The following SMARCD3 variants were observed in gnomAD, a reference collection of about 807,000 sequenced individuals.
The protein encoded by SMARCD3 is SWI/SNF-related matrix-associated actin-dependent regulator of chromatin subfamily D member 3.
A neutral mutation model predicts 58.0 loss-of-function variants in SMARCD3; 14 were observed. The observed-to-expected ratio is 0.24, with a 90% confidence interval of 0.16 to 0.38. The LOEUF (loss-of-function observed/expected upper bound fraction) is 0.38. SMARCD3 is among the 10% of genes least tolerant of loss of function. The probability of loss-of-function intolerance (pLI) is 1.00; values close to 1 mark genes in which losing one functional copy is unlikely to be tolerated. For missense variants in SMARCD3, 408 were observed against 636.9 expected (o/e 0.64, Z 3.87); for synonymous variants, 253 against 253.8 (o/e 1.00, Z 0.03).
intron 2 of SMARCD3, among the ~76,000 whole-genome samples, chr7:151,270,140 G>C (rs573639937): frequency 6.6e-6 from 1 of 152,264 alleles, no homozygotes; most frequent in East Asian, 1.9e-4. Flanking sequence ...AACTCCAAAA[G>C]GCAAACCCAA....
intron 2 of SMARCD3, among the ~76,000 whole-genome samples, chr7:151,267,471 G>A (rs1262162369): frequency 6.6e-6 from 1 of 152,188 alleles, no homozygotes; most frequent in Non-Finnish European, 1.5e-5. Flanking sequence ...GTACTGCGAA[G>A]TCCTCAGGGG....
chr7:151,240,660 G>A, intron 8 of SMARCD3, 138 bp from the exon 9 acceptor site: 1 of 663,102 alleles, frequency 1.5e-6, no homozygotes. Context: ...GGATGGGATT[G>A]GGGTGGGCTG....
At chr7:151,240,388 A>G (rs757668338) in intron 9 of SMARCD3, 37 bp downstream of exon 9, 12 of 1,586,184 alleles carry the variant, frequency 7.6e-6, no homozygotes, top group Admixed American at 1.7e-5. Flanking sequence ...GAACGAGATC[A>G]TTCCCTGGTC....
rs1038108313 is a variant in SMARCD3 at position 151,239,026 on chromosome 7, GATGCTGGAGCCCGGGGCAAA to G, written c.*57_*76del. 120 of 1,419,400 alleles carry G rather than the reference GATGCTGGAGCCCGGGGCAAA, an allele frequency of 8.5e-5. No individual in the cohort carries two copies. Among genetic ancestry groups the G allele is most frequent in the Non-Finnish European group, 1.0e-4 (105 of 1,003,016 alleles). The allele number at this position is 1,419,400 out of a possible 1,614,324, so 87.9% of individuals were successfully genotyped here. ...CCACACCCCAAGGTGGCAGAGGAGT[GATGCTGGAGCCCGGGGCAAA>G]ATGCTGGGGCCCGGGACACGGCTGA... On this transcript the variant is annotated 3_prime_UTR_variant, in exon 13 of 13. Coordinates refer to ENST00000262188, the MANE Select transcript of SMARCD3 (RefSeq NM_001003801.2). This position sits in a 1 kb window ranked among gnomAD's most constrained non-coding sequence, Gnocchi z 7.0.
At chr7:151,271,729 T>C (rs1445815543) in intron 2 of SMARCD3, among the ~76,000 whole-genome samples, 1 of 151,892 alleles carries the variant, frequency 6.6e-6, no homozygotes, top group East Asian at 1.9e-4. Context: ...AGTGGGAGGA[T>C]TGCTTGAGCC....
At position 151,259,601 on chromosome 7, in the gene SMARCD3, GTTTTTTTTT is replaced by G. The variant is rs112223142; in HGVS notation, c.40-13939_40-13931del. The stretch of plus-strand genomic sequence containing the variant: ...TGCCAGCTGAGGTTACAACCTGAGA[GTTTTTTTTT>G]TTTTTTTTTTTTTTTTGAGACGGAC... On this transcript the variant is annotated intron_variant, in intron 2 of 13. Transcript: ENST00000356800. Among the ~76,000 whole-genome samples, 123 of 70,530 alleles carry G rather than the reference GTTTTTTTTT, an allele frequency of 1.7e-3. 2 individuals carry two copies. The highest frequency in any genetic ancestry group is 2.8e-3 in the Non-Finnish European group (107 of 38,908). The allele number at this position is 70,530 out of a possible 152,430, so 46.3% of individuals were successfully genotyped here.
intron 8 of SMARCD3, 185 bp from the exon 9 acceptor site, chr7:151,240,707 A>T: frequency 5.1e-4 from 187 of 368,150 alleles, no homozygotes; most frequent in Middle Eastern, 2.6e-3. Flanking sequence ...CTGACAAGAT[A>T]GGGGGTGGGT....
rs745683759 is a variant in SMARCD3 at position 151,242,785 on chromosome 7, T to C, written c.392A>G (p.Lys131Arg). The change falls in exon 4 of 13, where the codon AAA becomes AGA. Residue 131 changes from lysine (K) to arginine (R), a missense_variant. Lys to Arg is a conservative substitution (Grantham distance 26). Around this residue, in one of 4 missense-constraint regions of SMARCD3, gnomAD observed 128 missense variants for 188.8 expected, o/e 0.68. Coordinates refer to ENST00000262188, the MANE Select transcript of SMARCD3 (RefSeq NM_001003801.2). This position sits in a 1 kb window ranked among gnomAD's most constrained non-coding sequence, Gnocchi z 4.7. ...AYMDLLAFER[K>R]LDQTIMRKRV... is the part of the protein sequence containing the mutation. ...CTTCCGCATGATGGTTTGATCCAGT[T>C]TCCTCTCAAATGCCAAGAGGTCCAT... The C allele has an allele frequency of 6.2e-7, 1 of 1,614,030 alleles. No homozygotes were observed. The highest frequency in any genetic ancestry group is 8.5e-7 in the Non-Finnish European group (1 of 1,180,008).
chr7:151,268,911 C>A (rs181274798), intron 2 of SMARCD3, among the ~76,000 whole-genome samples: 7 of 152,242 alleles, frequency 4.6e-5, no homozygotes, highest in Admixed American at 3.3e-4. Context: ...GCCTAAAATT[C>A]TTGAAATAGT....
At chr7:151,260,200 G>T (rs928542834) in intron 2 of SMARCD3, among the ~76,000 whole-genome samples, 1 of 152,064 alleles carries the variant, frequency 6.6e-6, no homozygotes, top group African/African-American at 2.4e-5. Flanking sequence ...CAGTGTCCCC[G>T]TGCTAAAGCT....
chr7:151,271,901 G>A (rs1311786281), intron 2 of SMARCD3, among the ~76,000 whole-genome samples: 1 of 152,202 alleles, frequency 6.6e-6, no homozygotes, highest in Non-Finnish European at 1.5e-5. Flanking sequence ...GGAGGCTGCA[G>A]TGAGCCATGA....
chr7:151,276,448 C>A (rs1255583605), intron 1 of SMARCD3, among the ~76,000 whole-genome samples: 1 of 135,814 alleles, frequency 7.4e-6, no homozygotes, highest in African/African-American at 2.8e-5. Context: ...GGGAAGGTGC[C>A]AGGCAGGAGG....
At chr7:151,252,440 T>TGTGAGA (rs139159274), upstream of SMARCD3, among the ~76,000 whole-genome samples, 15 of 149,412 alleles carry the variant, frequency 1.0e-4, no homozygotes, top group African/African-American at 2.0e-4. Context: ...TGTGTGTGTG[T>TGTGAGA]GAGAGAGAGA....
At chr7:151,240,628 T>A in intron 8 of SMARCD3, 106 bp from the exon 9 acceptor site, 6 of 801,152 alleles carry the variant, frequency 7.5e-6, no homozygotes, top group Non-Finnish European at 1.0e-5. Flanking sequence ...TGAGAGGAAG[T>A]CTGATTCCTC....
rs1802870963 is a variant in SMARCD3 at position 151,239,879 on chromosome 7, T to C, written c.1174-133A>G. 9.5e-7 allele frequency: 1 copy of C among 1,056,388 alleles called. No individual in the cohort carries two copies. Among genetic ancestry groups the C allele is most frequent in the Non-Finnish European group, 1.4e-6 (1 of 728,110 alleles). The allele number at this position is 1,056,388 out of a possible 1,614,324, so 65.4% of individuals were successfully genotyped here. A position where few individuals can be genotyped will look rare whatever the true frequency, so the allele number is the denominator to read the frequency against. On this transcript the variant is annotated intron_variant, in intron 10 of 12. Transcript: ENST00000262188. The surrounding 1 kb of genome is among the most constrained non-coding windows in gnomAD (Gnocchi z 7.0). The stretch of plus-strand genomic sequence containing the variant: ...ACAACCCCTCAGAGCCCCTGATTTC[T>C]CTGAAGTCCCAGGGGAGGAGGGGAT...
intron 2 of SMARCD3, among the ~76,000 whole-genome samples, chr7:151,255,488 A>C: frequency 6.6e-6 from 1 of 150,550 alleles, no homozygotes; most frequent in African/African-American, 2.4e-5. Flanking sequence ...GGCTCATGTC[A>C]CTCTCCGGAG....
rs546759656 is a variant in SMARCD3 at position 151,241,037 on chromosome 7, G to A, written c.939+455C>T. On this transcript the variant is annotated intron_variant, in intron 8 of 12. Transcript: ENST00000262188. This position sits in a 1 kb window ranked among gnomAD's most constrained non-coding sequence, Gnocchi z 5.3. ...TAATAAGAATATTCTCTGTTTTGGT[G>A]GAATTTTGCTCAATCACTTTTGCAG... The A allele has an allele frequency of 5.0e-5, 12 of 241,774 alleles. No individual in the cohort carries two copies. In the Admixed American group the frequency reaches 6.1e-4, roughly 12 times the overall value. 15.0% of individuals were successfully genotyped at this position (241,774 alleles called of 1,614,324 possible).
At position 151,245,328 on chromosome 7, in the gene SMARCD3, C is replaced by T. The variant is rs1418581061; in HGVS notation, c.290+132G>A. Reference sequence around the variant, plus strand: ...GCCTACCTCCCCAGAGGGCATTCGACCCGGGAAGCCTCGCTCCCTGCTAAT... The same window carrying T: ...GCCTACCTCCCCAGAGGGCATTCGATCCGGGAAGCCTCGCTCCCTGCTAAT... On this transcript the variant is annotated intron_variant, in intron 2 of 12. Coordinates refer to ENST00000262188, the MANE Select transcript of SMARCD3 (RefSeq NM_001003801.2). The surrounding 1 kb of genome is among the most constrained non-coding windows in gnomAD (Gnocchi z 6.2). 2.6e-6 allele frequency: 1 copy of T among 391,204 alleles called. No homozygotes were observed. Among genetic ancestry groups the T allele is most frequent in the Non-Finnish European group, 4.4e-6 (1 of 227,154 alleles). The allele number at this position is 391,204 out of a possible 1,614,324, so 24.2% of individuals were successfully genotyped here. A position where few individuals can be genotyped will look rare whatever the true frequency, so the allele number is the denominator to read the frequency against.
At position 151,242,879 on chromosome 7, in the gene SMARCD3, C is replaced by A. The variant is rs371174317; in HGVS notation, c.334-36G>T. The A allele has an allele frequency of 1.9e-6, 3 of 1,612,398 alleles. No individual in the cohort carries two copies. In the South Asian group the frequency reaches 3.3e-5, roughly 18 times the overall value. On this transcript the variant is annotated intron_variant, in intron 3 of 12. Coordinates refer to ENST00000262188, the MANE Select transcript of SMARCD3 (RefSeq NM_001003801.2). This position sits in a 1 kb window ranked among gnomAD's most constrained non-coding sequence, Gnocchi z 4.7. Reference sequence around the variant, plus strand: ...AGGAGCAGGGCAGGAGTCAGAGGCTCAAGTCCAGGGTTGTACCATGGAATG... The same window carrying A: ...AGGAGCAGGGCAGGAGTCAGAGGCTAAAGTCCAGGGTTGTACCATGGAATG...
Sources: gnomAD v4.1 joint callset for allele counts (sites outside exome capture counted in the v4.1 genomes callset) on GRCh38, gnomAD v4.1.1 for gene constraint, gnomAD v4.1.1 regional missense constraint, Gnocchi (gnomAD v3.1) non-coding constraint, MANE v1.5 for transcripts, NCBI Gene and HGNC (gene_info 2026-07-23, HGNC 2026-07-21) for gene names.